Variants in TJP1 observed in about 807,000 individuals in gnomAD.
The protein encoded by TJP1 is tight junction protein ZO-1.
A neutral mutation model predicts 194.2 loss-of-function variants in TJP1; 43 were observed. The observed-to-expected ratio is 0.22, with a 90% CI of 0.17 to 0.29. TJP1 has a LOEUF of 0.29. Among genes scored for constraint, TJP1 ranks in the 10% least tolerant of loss-of-function variants. TJP1 has a pLI of 1.00. For synonymous variants in TJP1, 801 were observed against 779.0 expected (o/e 1.03, Z -0.47); for missense variants, 1,971 against 2,185.7 (o/e 0.90, Z 1.96).
intron 8 of TJP1, among the ~76,000 whole-genome samples, chr15:29,744,545 C>A (rs1279226919): frequency 6.6e-6 from 1 of 151,998 alleles, no homozygotes; most frequent in African/African-American, 2.4e-5. Context: ...ATAAATATAT[C>A]TTGAATAAAA....
Position 29,701,630 on chromosome 15 carries a change from C to T in TJP1, c.5272G>A (p.Ala1758Thr), listed in dbSNP as rs1387086662. Residue 1758 changes from alanine (A) to threonine (T), a missense_variant, in exon 28 of 28, where the codon GCA becomes ACA. Around this residue, in one of 5 missense-constraint regions of TJP1, gnomAD observed 1,108 missense variants for 1,128.5 expected, o/e 0.98. Coordinates refer to ENST00000614355, the MANE Select transcript of TJP1 (RefSeq NM_001330239.4). ...TCAATAAGGACAGAAACACAGTTTGCTCCAACGAGATAATTTGGATCTCCG... is the reference window on the plus strand; with the variant it reads ...TCAATAAGGACAGAAACACAGTTTGTTCCAACGAGATAATTTGGATCTCCG... ...LPGDPNYLVG[A>T]NCVSVLIDHF 1 of 1,614,110 alleles carries T rather than the reference C, an allele frequency of 6.2e-7. No homozygotes were observed. Among genetic ancestry groups the T allele is most frequent in the Admixed American group, 1.7e-5 (1 of 60,022 alleles).
intron 2 of TJP1, among the ~76,000 whole-genome samples, chr15:29,920,430 A>T (rs745487129): frequency 1.3e-5 from 2 of 152,156 alleles, no homozygotes; most frequent in Non-Finnish European, 2.9e-5. Flanking sequence ...TCCACCTCAG[A>T]TTAGGAGCAA....
intron 12 of TJP1, among the ~76,000 whole-genome samples, chr15:29,733,789 A>G (rs1279307728): frequency 6.6e-6 from 1 of 152,180 alleles, no homozygotes; most frequent in Non-Finnish European, 1.5e-5. Flanking sequence ...TCCACAATAC[A>G]CAGGACAGCC....
At chr15:29,770,690 A>G (rs3084373) in intron 4 of TJP1, among the ~76,000 whole-genome samples, 2 of 135,248 alleles carry the variant, frequency 1.5e-5, no homozygotes, top group African/African-American at 2.7e-5. Context: ...AAAAAAAAAA[A>G]AGAAAAAAAC....
intron 15 of TJP1, chr15:29,730,817 A>G (rs1328053256): frequency 3.7e-5 from 33 of 897,648 alleles, no homozygotes; most frequent in Non-Finnish European, 6.0e-5. Context: ...CTGCTCCTCC[A>G]AAGCCAGAGC....
At chr15:29,948,260 C>CA (rs35983966) in intron 2 of TJP1, among the ~76,000 whole-genome samples, 2,114 of 95,244 alleles carry the variant, frequency 0.022, 39 homozygotes, top group African/African-American at 0.054. Flanking sequence ...CACTCCATCA[C>CA]AAAAAAAAAA....
At chr15:29,779,822 G>T (rs1457092080) in intron 2 of TJP1, among the ~76,000 whole-genome samples, 1 of 152,040 alleles carries the variant, frequency 6.6e-6, no homozygotes, top group Admixed American at 6.6e-5. Context: ...GAATCCAAGT[G>T]CAACATTTAC....
chr15:29,961,237 T>C (rs1351460470), intron 1 of TJP1, among the ~76,000 whole-genome samples: 1 of 152,170 alleles, frequency 6.6e-6, no homozygotes, highest in Non-Finnish European at 1.5e-5. Flanking sequence ...TCCCCGCATA[T>C]TTAGGGGAAT....
chr15:29,727,058 G>C, intron 16 of TJP1, 67 bp from the exon 17 acceptor site: 1 of 1,453,264 alleles, frequency 6.9e-7, no homozygotes, highest in Non-Finnish European at 9.6e-7. Context: ...ACCAAATTCA[G>C]CTGGGTGCAG....
At chr15:29,832,424 C>T (rs1054797352) in intron 2 of TJP1, among the ~76,000 whole-genome samples, 12 of 152,108 alleles carry the variant, frequency 7.9e-5, no homozygotes, top group African/African-American at 2.2e-4. Flanking sequence ...CCAGATTTGC[C>T]GACGCACAGA....
At chr15:29,704,997 C>A (rs1197186569) in intron 26 of TJP1, among the ~76,000 whole-genome samples, 3 of 152,184 alleles carry the variant, frequency 2.0e-5, no homozygotes, top group Non-Finnish European at 4.4e-5. Context: ...CCTGGTAGAT[C>A]CAGGAGGATT....
intron 2 of TJP1, among the ~76,000 whole-genome samples, chr15:29,922,149 T>C (rs952492363): frequency 6.6e-6 from 1 of 152,082 alleles, no homozygotes; most frequent in Non-Finnish European, 1.5e-5. Flanking sequence ...ACCCGGACTT[T>C]TTCTTTTCAT....
intron 10 of TJP1, among the ~76,000 whole-genome samples, chr15:29,740,138 G>T (rs1352598799): frequency 1.1e-4 from 16 of 151,762 alleles, no homozygotes; most frequent in Non-Finnish European, 1.5e-5. Context: ...TAGGCGCCCA[G>T]CTAATTTTTT....
upstream of TJP1, chr15:29,823,676 G>C (rs933704150): frequency 3.9e-5 from 6 of 152,212 alleles, no homozygotes; most frequent in African/African-American, 1.4e-4. Context: ...CCAGAAAAGA[G>C]CCTTCTGCAA....
chr15:29,735,619 T>TA (rs1309299645), intron 11 of TJP1, among the ~76,000 whole-genome samples: 1 of 151,150 alleles, frequency 6.6e-6, no homozygotes, highest in Non-Finnish European at 1.5e-5. Context: ...AAGAAACGTT[T>TA]AAAAAAATGT....
At chr15:29,704,006 C>T (rs2041727913) in intron 27 of TJP1, among the ~76,000 whole-genome samples, 156 bp downstream of exon 27, 1 of 152,156 alleles carries the variant, frequency 6.6e-6, no homozygotes, top group Non-Finnish European at 1.5e-5. Flanking sequence ...ACAATATATG[C>T]ACCACAAATA....
chr15:29,939,723 G>A (rs148201701), intron 2 of TJP1, among the ~76,000 whole-genome samples: 144 of 152,300 alleles, frequency 9.5e-4, no homozygotes, highest in African/African-American at 3.4e-3. Context: ...ATTAGGTGCT[G>A]GGCTGGAGCC....
At chr15:29,752,483 G>T (rs904052999) in intron 8 of TJP1, among the ~76,000 whole-genome samples, 1 of 152,088 alleles carries the variant, frequency 6.6e-6, no homozygotes, top group African/African-American at 2.4e-5. Context: ...CTCCTCTTAA[G>T]GGTTAAAATC....
Position 29,704,218 on chromosome 15 carries a change from GCA to G in TJP1, c.5154_5155del (p.Ala1719ValfsTer5), listed in dbSNP as rs1566847042. On this transcript the variant is annotated frameshift_variant, in exon 27 of 28. Transcript: ENST00000614355. LOFTEE classifies it high-confidence loss of function. The stretch of plus-strand genomic sequence containing the variant: ...AGACCAACCGTCAGGAGTCATGGAC[GCA>G]CAGTGTGGTAAGCGCAGCTCCACAG... 2 of 1,589,564 alleles carry G rather than the reference GCA, an allele frequency of 1.3e-6. No homozygotes were observed. The highest frequency in any genetic ancestry group is 2.3e-5 in the East Asian group (1 of 44,230).
Sources: gnomAD v4.1 joint callset for allele counts (sites outside exome capture counted in the v4.1 genomes callset) on GRCh38, gnomAD v4.1.1 for gene constraint, gnomAD v4.1.1 regional missense constraint, MANE v1.5 for transcripts, NCBI Gene and HGNC (gene_info 2026-07-23, HGNC 2026-07-21) for gene names.